LRRC4C: variants seen among roughly 807,000 people sequenced by gnomAD.
LRRC4C encodes the protein leucine rich repeat containing 4C.
A neutral mutation model predicts 33.6 loss-of-function variants in LRRC4C; 5 were observed. That is an observed-to-expected ratio of 0.15 (90% CI 0.08 to 0.31). LRRC4C has a LOEUF of 0.31. Among genes scored for constraint, LRRC4C ranks in the 10% least tolerant of loss-of-function variants. The pLI, the probability that LRRC4C is intolerant of heterozygous loss-of-function variation, is 1.00. For missense variants in LRRC4C, 560 were observed against 796.7 expected (o/e 0.70, Z 3.58); for synonymous variants, 329 against 302.0 (o/e 1.09, Z -0.93).
At chr11:41,385,542 A>G (rs1370908486) in intron 1 of LRRC4C, among the ~76,000 whole-genome samples, 1 of 151,672 alleles carries the variant, frequency 6.6e-6, no homozygotes, top group African/African-American at 2.4e-5. Flanking sequence ...AATACAAACA[A>G]TAGTAATTTG....
chr11:40,915,300 A>C (rs543238974), intron 2 of LRRC4C, among the ~76,000 whole-genome samples: 105 of 152,328 alleles, frequency 6.9e-4, no homozygotes, highest in African/African-American at 2.5e-3. Flanking sequence ...AAACTATACT[A>C]CAAGGCTACA....
chr11:40,949,889 A>G (rs1373333260), intron 1 of LRRC4C, among the ~76,000 whole-genome samples: 1 of 152,102 alleles, frequency 6.6e-6, no homozygotes, highest in Non-Finnish European at 1.5e-5. Flanking sequence ...ATGTAAAGGG[A>G]CTAAATGCTC....
In LRRC4C at chr11:40,597,290, C is replaced by T. The variant is rs575071494; in HGVS notation, c.-270+50852G>A. On this transcript the variant is annotated intron_variant, in intron 3 of 6. Coordinates refer to ENST00000528697, the MANE Select transcript of LRRC4C (RefSeq NM_001258419.2). ...AAGAAATTAAGCTATAGACAATAGACAAGTGAATTGACTAATCCAAGATCT... is the reference window on the plus strand; with the variant it reads ...AAGAAATTAAGCTATAGACAATAGATAAGTGAATTGACTAATCCAAGATCT... Among the ~76,000 whole-genome samples the T allele has an allele frequency of 2.6e-4, 40 of 152,154 alleles. 1 individual carries two copies. The highest frequency in any genetic ancestry group is 5.0e-4 in the Non-Finnish European group (34 of 67,986).
At chr11:40,706,029 C>G (rs1316086817) in intron 2 of LRRC4C, among the ~76,000 whole-genome samples, 2 of 152,122 alleles carry the variant, frequency 1.3e-5, no homozygotes, top group African/African-American at 4.8e-5. Context: ...TGTTCATATC[C>G]TTTGCCCACA....
chr11:41,058,151 A>G (rs1177711175), intron 1 of LRRC4C, among the ~76,000 whole-genome samples: 1 of 152,216 alleles, frequency 6.6e-6, no homozygotes, highest in Non-Finnish European at 1.5e-5. Flanking sequence ...GGAAAGAAGA[A>G]CTGCGATTCT....
chr11:41,254,777 C>T (rs1005115452), intron 1 of LRRC4C, among the ~76,000 whole-genome samples: 2 of 152,010 alleles, frequency 1.3e-5, no homozygotes, highest in Non-Finnish European at 2.9e-5. Context: ...TCAAAATTCA[C>T]ATTCTTTGAC....
chr11:41,421,121 G>C (rs1336919733), intron 1 of LRRC4C, among the ~76,000 whole-genome samples: 4 of 151,894 alleles, frequency 2.6e-5, no homozygotes, highest in Admixed American at 1.3e-4. Context: ...CATTCTACAG[G>C]ATTAGAATTT....
chr11:40,388,119 G>A (rs1160100041), intron 3 of LRRC4C, among the ~76,000 whole-genome samples: 1 of 152,040 alleles, frequency 6.6e-6, no homozygotes, highest in Admixed American at 6.6e-5. Context: ...GCTTCTACCT[G>A]TTACTGACTT....
chr11:40,744,822 C>A (rs1206445700), intron 2 of LRRC4C, among the ~76,000 whole-genome samples: 1 of 152,038 alleles, frequency 6.6e-6, no homozygotes, highest in East Asian at 1.9e-4. Context: ...GTATTGTCTA[C>A]AAAATTTTTT....
chr11:40,976,309 G>T (rs1852081908), intron 1 of LRRC4C, among the ~76,000 whole-genome samples: 1 of 152,048 alleles, frequency 6.6e-6, no homozygotes, highest in Non-Finnish European at 1.5e-5. Flanking sequence ...ACATTCACCT[G>T]GATTTATTTA....
At chr11:40,546,555 A>G (rs997739656) in intron 3 of LRRC4C, among the ~76,000 whole-genome samples, 5 of 152,032 alleles carry the variant, frequency 3.3e-5, no homozygotes, top group South Asian at 2.1e-4. Context: ...TTGATTTTCA[A>G]TTTTGCAGAT....
intron 1 of LRRC4C, among the ~76,000 whole-genome samples, chr11:41,143,017 A>G (rs1250991053): frequency 6.6e-6 from 1 of 152,160 alleles, no homozygotes; most frequent in Non-Finnish European, 1.5e-5. Flanking sequence ...AGAAAATTCT[A>G]GATTCAATCC....
At chr11:40,700,160 T>A (rs560649250) in intron 2 of LRRC4C, among the ~76,000 whole-genome samples, 9 of 152,222 alleles carry the variant, frequency 5.9e-5, no homozygotes, top group African/African-American at 2.2e-4. Flanking sequence ...TGTACAGCTG[T>A]GTCTAACGCC....
At chr11:41,268,241 T>G (rs1949213575) in intron 1 of LRRC4C, among the ~76,000 whole-genome samples, 1 of 152,098 alleles carries the variant, frequency 6.6e-6, no homozygotes, top group Non-Finnish European at 1.5e-5. Flanking sequence ...CTTAGCAGTC[T>G]CCACTGTATG....
At chr11:40,756,789 A>T (rs1017765149) in intron 2 of LRRC4C, among the ~76,000 whole-genome samples, 1 of 152,050 alleles carries the variant, frequency 6.6e-6, no homozygotes, top group Non-Finnish European at 1.5e-5. Flanking sequence ...AAAAATCAAC[A>T]TGACTTTATT....
intron 2 of LRRC4C, among the ~76,000 whole-genome samples, chr11:40,754,333 C>T (rs895329029): frequency 1.5e-4 from 23 of 151,982 alleles, no homozygotes; most frequent in African/African-American, 5.3e-4. Context: ...GGAATCTTCA[C>T]AGGTAGATAG....
At chr11:41,258,490 G>T (rs1286055998) in intron 1 of LRRC4C, among the ~76,000 whole-genome samples, 4 of 151,852 alleles carry the variant, frequency 2.6e-5, no homozygotes, top group Non-Finnish European at 4.4e-5. Flanking sequence ...ACATAAGAAA[G>T]ACAACTGAAG....
chr11:40,958,799 T>G (rs1959068766), intron 1 of LRRC4C, among the ~76,000 whole-genome samples: 1 of 151,716 alleles, frequency 6.6e-6, no homozygotes, highest in African/African-American at 2.4e-5. Context: ...CAGATCTCAT[T>G]TAAACATACA....
intron 3 of LRRC4C, among the ~76,000 whole-genome samples, chr11:40,586,416 T>C (rs1352967685): frequency 6.8e-6 from 1 of 147,792 alleles, no homozygotes; most frequent in African/African-American, 2.5e-5. Flanking sequence ...TTCTCCCATT[T>C]TGTAGGTTGC....
Sources: allele counts gnomAD v4.1 joint callset (sites outside exome capture counted in the v4.1 genomes callset), GRCh38; gene constraint gnomAD v4.1.1; transcripts MANE v1.5; gene names NCBI Gene and HGNC (gene_info 2026-07-23, HGNC 2026-07-21).